The following NBEA variants were observed in gnomAD, a reference collection of about 807,000 sequenced individuals.
NBEA encodes the protein lysosomal-trafficking regulator 2.
A neutral mutation model predicts 343.4 loss-of-function variants in NBEA; 44 were observed. That is an observed-to-expected ratio of 0.13 (90% CI 0.10 to 0.16). The LOEUF (loss-of-function observed/expected upper bound fraction) is 0.16. Ranked by LOEUF, NBEA falls within the 10% of genes least tolerant of loss-of-function variation. The pLI is 1.00. For missense variants in NBEA, 2,555 were observed against 3,631.3 expected, an observed-to-expected ratio of 0.70 and a Z score of 7.62; for synonymous variants, 1,175 against 1,238.7, an observed-to-expected ratio of 0.95 and a Z score of 1.08.
chr13:35,024,940 C>A (rs950096300), intron 1 of NBEA, among the ~76,000 whole-genome samples: 2 of 151,978 alleles, frequency 1.3e-5, no homozygotes, highest in African/African-American at 4.8e-5. Context: ...TTATGCTGAG[C>A]AAATATACTT....
At chr13:35,195,400 T>A (rs2072512187) in intron 30 of NBEA, among the ~76,000 whole-genome samples, 1 of 152,130 alleles carries the variant, frequency 6.6e-6, no homozygotes, top group African/African-American at 2.4e-5. Flanking sequence ...CTTTTTGTTT[T>A]TTTTTTTGTT....
chr13:35,454,941 CTT>C (rs1251675947), intron 40 of NBEA, among the ~76,000 whole-genome samples: 1 of 151,708 alleles, frequency 6.6e-6, no homozygotes, highest in Non-Finnish European at 1.5e-5. Flanking sequence ...TTAATATAAT[CTT>C]ATATTTATTT....
At chr13:35,181,590 T>C (rs1172529211) in intron 28 of NBEA, among the ~76,000 whole-genome samples, 2 of 151,850 alleles carry the variant, frequency 1.3e-5, no homozygotes, top group African/African-American at 4.8e-5. Flanking sequence ...TTGTGAAGAA[T>C]TTCTCCCACT....
rs140400521 is a variant in NBEA at position 35,285,859 on chromosome 13, C to T, written c.5777-4530C>T. ...GTATGGCTCTGCTTCCTGCCTACCT[C>T]TCTGTCTTCATTTCCAGTCACTTCC... On this transcript the variant is annotated intron_variant, in intron 34 of 58. Transcript: ENST00000379939. 1.4e-4 allele frequency among the ~76,000 whole-genome samples: 22 copies of T among 152,280 alleles called. No homozygotes were observed. In the East Asian group the frequency reaches 3.7e-3, roughly 25 times the overall value.
At chr13:35,139,965 T>C (rs2067997655) in intron 17 of NBEA, among the ~76,000 whole-genome samples, 1 of 152,010 alleles carries the variant, frequency 6.6e-6, no homozygotes, top group Non-Finnish European at 1.5e-5. Flanking sequence ...CTTCGGTAGC[T>C]GAAGTAGTAG....
chr13:35,372,793 C>T (rs1303198492), intron 38 of NBEA, among the ~76,000 whole-genome samples: 5 of 152,032 alleles, frequency 3.3e-5, no homozygotes, highest in Admixed American at 2.6e-4. Flanking sequence ...CAGCAGCCAA[C>T]AGCATGGCAG....
intron 47 of NBEA, among the ~76,000 whole-genome samples, chr13:35,600,167 CCATTGGCTATA>C (rs2081985808): frequency 6.6e-6 from 1 of 152,098 alleles, no homozygotes; most frequent in Admixed American, 6.5e-5. Context: ...ATAAGATAAG[CCATTGGCTATA>C]CATTGTTCTT....
intron 1 of NBEA, among the ~76,000 whole-genome samples, chr13:34,967,253 T>C (rs571297311): frequency 6.6e-6 from 1 of 152,052 alleles, no homozygotes; most frequent in Non-Finnish European, 1.5e-5. Context: ...CTTATTTTCC[T>C]GACGGAAAAT....
At chr13:35,454,731 G>A (rs1029035986) in intron 40 of NBEA, among the ~76,000 whole-genome samples, 1 of 151,976 alleles carries the variant, frequency 6.6e-6, no homozygotes, top group Non-Finnish European at 1.5e-5. Context: ...ATGGTGGCGG[G>A]CACCTGTAGT....
intron 24 of NBEA, among the ~76,000 whole-genome samples, chr13:35,166,555 T>C (rs1030222904): frequency 6.6e-6 from 1 of 152,172 alleles, no homozygotes; most frequent in African/African-American, 2.4e-5. Context: ...TTTCTGTTAT[T>C]TTGGCCCATT....
chr13:35,035,260 T>G (rs925745928), intron 1 of NBEA, among the ~76,000 whole-genome samples: 1 of 152,042 alleles, frequency 6.6e-6, no homozygotes, highest in African/African-American at 2.4e-5. Flanking sequence ...CCTTCTTAAT[T>G]TCTTCATTGA....
Position 35,606,420 on chromosome 13 carries a change from T to C in NBEA, c.7297-6T>C, listed in dbSNP as rs1278975695. 1 of 1,434,018 alleles carries C rather than the reference T, an allele frequency of 7.0e-7. No individual in the cohort carries two copies. Among genetic ancestry groups the C allele is most frequent in the East Asian group, 2.5e-5 (1 of 39,426 alleles). The allele number at this position is 1,434,018 out of a possible 1,614,324, so 88.8% of individuals were successfully genotyped here. A position where few individuals can be genotyped will look rare whatever the true frequency, so the allele number is the denominator to read the frequency against. On this transcript the variant is annotated splice_region_variant and splice_polypyrimidine_tract_variant and intron_variant, in intron 47 of 58. Coordinates refer to ENST00000379939, the MANE Select transcript of NBEA (RefSeq NM_001385012.1). ...GTTTAATATGCTTCATTTTTATTCC[T>C]GATAGGAACTAATTCCAGAGTTCTA...
At chr13:35,324,580 GAATA>G (rs2038408615) in intron 36 of NBEA, among the ~76,000 whole-genome samples, 1 of 152,026 alleles carries the variant, frequency 6.6e-6, no homozygotes, top group Non-Finnish European at 1.5e-5. Flanking sequence ...AACAAAACCT[GAATA>G]AATACTTAGA....
Position 35,667,491 on chromosome 13 carries a change from A to G in NBEA, c.8582A>G (p.Tyr2861Cys), listed in dbSNP as rs1414777687. The G allele has an allele frequency of 3.7e-6, 6 of 1,613,898 alleles. No individual in the cohort carries two copies. The highest frequency in any genetic ancestry group is 2.2e-5 in the East Asian group (1 of 44,898). ...TCCAGCGAAGGCCACTGTATCATAT[A>G]CTATGAACGAGGGCGATTCAGTAAT... is the stretch of plus-strand genomic sequence containing the variant. ...SVSSEGHCIIYYERGRFSNFS... is the reference protein window; with the variant it reads ...SVSSEGHCIICYERGRFSNFS... Residue 2861 changes from tyrosine (Y) to cysteine (C), a missense_variant, in exon 57 of 59, where the codon TAC (tyrosine) becomes TGC (cysteine). Physicochemically the swap from Tyr to Cys is radical, Grantham distance 194. Around this residue, in one of 21 missense-constraint regions of NBEA, gnomAD observed 186 missense variants for 328.9 expected, o/e 0.57. Transcript: ENST00000379939.
At chr13:34,970,094 T>C (rs1226193967) in intron 1 of NBEA, among the ~76,000 whole-genome samples, 5 of 152,212 alleles carry the variant, frequency 3.3e-5, no homozygotes, top group Admixed American at 6.5e-5. Context: ...CCATTCTGCC[T>C]GGTGTGAGAT....
chr13:35,243,002 C>G (rs1245456525), intron 34 of NBEA, among the ~76,000 whole-genome samples: 2 of 151,626 alleles, frequency 1.3e-5, no homozygotes, highest in Non-Finnish European at 3.0e-5. Flanking sequence ...AATATGAAAA[C>G]TTTATTATTA....
At chr13:34,947,750 A>G (rs1420870031) in intron 1 of NBEA, among the ~76,000 whole-genome samples, 2 of 152,226 alleles carry the variant, frequency 1.3e-5, no homozygotes, top group Non-Finnish European at 2.9e-5. Context: ...TGTATTAGGC[A>G]GTAATGATTA....
chr13:35,226,709 G>A (rs529389958), intron 33 of NBEA, among the ~76,000 whole-genome samples: 18 of 118,208 alleles, frequency 1.5e-4, no homozygotes, highest in African/African-American at 4.5e-4. Flanking sequence ...TTTTACTTTC[G>A]TAATTAGCAC....
rs1566237136 is a variant in NBEA at position 35,069,900 on chromosome 13, T to A, written c.1240-8T>A. ...AAAAGAGTGTTTACCTTAGTTTTAT[T>A]TTTTCAGAGTACCTTCAAGTTTAAA... On this transcript the variant is annotated splice_polypyrimidine_tract_variant and splice_region_variant and intron_variant, in intron 8 of 58. Transcript: ENST00000379939. The A allele has an allele frequency of 1.3e-6, 2 of 1,550,850 alleles. No individual in the cohort carries two copies. Among genetic ancestry groups the A allele is most frequent in the Middle Eastern group, 2.4e-4 (1 of 4,154 alleles).
Sources: allele counts gnomAD v4.1 joint callset (sites outside exome capture counted in the v4.1 genomes callset), GRCh38; gene constraint gnomAD v4.1.1; regional missense constraint gnomAD v4.1.1; transcripts MANE v1.5; gene names NCBI Gene and HGNC (gene_info 2026-07-23, HGNC 2026-07-21).